Variants in SLC2A14 observed in about 807,000 individuals in gnomAD.
The protein encoded by SLC2A14 is solute carrier family 2, facilitated glucose transporter member 14.
SLC2A14 carries 13 observed loss-of-function variants against 43.0 expected under a neutral mutation model. That is an observed-to-expected ratio of 0.30 (90% CI 0.20 to 0.48). The LOEUF is 0.48. SLC2A14 is among the 20% of genes least tolerant of loss of function. SLC2A14 has a pLI of 0.99. For missense variants in SLC2A14, 428 were observed against 620.4 expected (o/e 0.69, Z 3.29); for synonymous variants, 190 against 233.8 (o/e 0.81, Z 1.71).
At chr12:7,883,792 C>G (rs962678245) in intron 1 of SLC2A14, among the ~76,000 whole-genome samples, 4 of 150,526 alleles carry the variant, frequency 2.7e-5, no homozygotes, top group Admixed American at 6.7e-5. Flanking sequence ...ACCATGTTGG[C>G]CAAGATGGTC....
chr12:7,855,396 C>A (rs927198654), intron 2 of SLC2A14, among the ~76,000 whole-genome samples: 1 of 152,122 alleles, frequency 6.6e-6, no homozygotes, highest in African/African-American at 2.4e-5. Context: ...CTGCCTCAGC[C>A]TCCAAAAGTG....
rs756528387 is a variant in SLC2A14, at chr12:7,862,422, C to T, written c.18+7441G>A. Among the ~76,000 whole-genome samples the T allele has an allele frequency of 1.2e-4, 19 of 152,242 alleles. No individual in the cohort carries two copies. In the East Asian group the frequency reaches 3.7e-3, roughly 29 times the overall value. On this transcript the variant is annotated intron_variant, in intron 2 of 10. Coordinates refer to ENST00000431042, the MANE Select transcript of SLC2A14 (RefSeq NM_001286234.2). ...TCGCCGGGCCTTAGCTGCCTTCCCA[C>T]GGGGCAGGGCTCGGGACCTGCAGCC...
At chr12:7,828,573 T>C in intron 6 of SLC2A14, 131 bp downstream of exon 6, 12 of 986,394 alleles carry the variant, frequency 1.2e-5, no homozygotes, top group Non-Finnish European at 1.6e-5. Context: ...CAAAGTAGAG[T>C]AATCAGAACC....
chr12:7,827,778 G>A, intron 6 of SLC2A14, 96 bp from the exon 7 acceptor site: 1 of 1,518,532 alleles, frequency 6.6e-7, no homozygotes, highest in African/African-American at 1.4e-5. Context: ...CACGAGGTGA[G>A]GTGATGGGTA....
chr12:7,850,563 T>C (rs1244321442), intron 2 of SLC2A14, among the ~76,000 whole-genome samples: 1 of 151,978 alleles, frequency 6.6e-6, no homozygotes, highest in East Asian at 1.9e-4. Flanking sequence ...ACCCGGCTAA[T>C]GTTTGTATTT....
At chr12:7,876,303 A>AAAAAAAAAAAAAAAAAAAAG (rs1555149216), upstream of SLC2A14, among the ~76,000 whole-genome samples, 1 of 133,660 alleles carries the variant, frequency 7.5e-6, no homozygotes, top group African/African-American at 2.8e-5. Flanking sequence ...AAAAAAAAAA[A>AAAAAAAAAAAAAAAAAAAAG]AGAGAGACAA....
intron 1 of SLC2A14, among the ~76,000 whole-genome samples, chr12:7,883,838 C>T (rs1343098482): frequency 6.6e-6 from 1 of 151,934 alleles, no homozygotes; most frequent in Non-Finnish European, 1.5e-5. Flanking sequence ...CTGCCTTGGC[C>T]TCCCAAACTG....
At chr12:7,870,859 G>T in intron 1 of SLC2A14, 1 of 1,285,158 alleles carries the variant, frequency 7.8e-7, no homozygotes. Context: ...AAAATGTTCA[G>T]CAAGTGGACC....
At chr12:7,840,366 GTTTTGT>G (rs567400675) in intron 2 of SLC2A14, among the ~76,000 whole-genome samples, 88 of 151,832 alleles carry the variant, frequency 5.8e-4, no homozygotes, top group African/African-American at 1.8e-3. Context: ...AGATTACTCA[GTTTTGT>G]TTTTGTTTTT....
exon 1 of SLC2A14, chr12:7,891,026 C>A: frequency 6.5e-7 from 1 of 1,535,172 alleles, no homozygotes; most frequent in Non-Finnish European, 8.7e-7. Flanking sequence ...TCTGACTCTT[C>A]TCCAGAGTGG....
At chr12:7,878,976 C>CA (rs58838986) in intron 1 of SLC2A14, among the ~76,000 whole-genome samples, 12,318 of 68,646 alleles carry the variant, frequency 0.18, 3,306 homozygotes, top group Non-Finnish European at 0.25. Context: ...GAGTCCGTCT[C>CA]AAAAAAAAAA....
At chr12:7,819,015 C>T (rs7967548) in intron 9 of SLC2A14, among the ~76,000 whole-genome samples, 2 of 151,964 alleles carry the variant, frequency 1.3e-5, no homozygotes, top group Non-Finnish European at 1.5e-5. Flanking sequence ...GTTGGGAGTT[C>T]GAGACCAGTC....
chr12:7,864,931 A>T (rs1485531682), intron 2 of SLC2A14, among the ~76,000 whole-genome samples: 1 of 152,044 alleles, frequency 6.6e-6, no homozygotes, highest in Non-Finnish European at 1.5e-5. Flanking sequence ...TTCTGCTCAA[A>T]TTTACCGTAA....
At chr12:7,867,288 AAAAAAAAAAAAAC>A (rs1255647123) in intron 2 of SLC2A14, among the ~76,000 whole-genome samples, 7 of 120,534 alleles carry the variant, frequency 5.8e-5, no homozygotes, top group Admixed American at 8.3e-5. Flanking sequence ...CTCAAAAAAA[AAAAAAAAAAAAAC>A]AAAAAAAACA....
intron 2 of SLC2A14, among the ~76,000 whole-genome samples, chr12:7,849,468 C>T (rs1050969765): frequency 9.9e-5 from 15 of 151,998 alleles, no homozygotes; most frequent in Non-Finnish European, 1.6e-4. Context: ...CATGCCACTA[C>T]ACTCTAGCCT....
At chr12:7,827,077 T>TTCTTTCTTTCTTTCTCTCTCTC (rs1565509415) in intron 7 of SLC2A14, among the ~76,000 whole-genome samples, 37 of 43,094 alleles carry the variant, frequency 8.6e-4, no homozygotes, top group Non-Finnish European at 2.1e-3. Flanking sequence ...CTCTCTCTCT[T>TTCTTTCTTTCTTTCTCTCTCTC]TCTTTCTTTC....
At chr12:7,866,424 G>A (rs1372102432) in intron 2 of SLC2A14, among the ~76,000 whole-genome samples, 7 of 151,930 alleles carry the variant, frequency 4.6e-5, no homozygotes, top group Admixed American at 4.6e-4. Context: ...GAGTGCAGTG[G>A]CATGATCTCA....
chr12:7,830,576 T>C (rs780518738), intron 4 of SLC2A14, among the ~76,000 whole-genome samples: 4 of 152,066 alleles, frequency 2.6e-5, no homozygotes, highest in Admixed American at 6.6e-5. Context: ...GTCGAGGCTA[T>C]AGTGAGCTAT....
intron 1 of SLC2A14, among the ~76,000 whole-genome samples, chr12:7,880,578 C>T (rs1945549902): frequency 6.6e-6 from 1 of 150,842 alleles, no homozygotes; most frequent in Non-Finnish European, 1.5e-5. Flanking sequence ...CCTGTAATCT[C>T]AGCACTTTAG....
Sources: allele counts gnomAD v4.1 joint callset (sites outside exome capture counted in the v4.1 genomes callset), GRCh38; gene constraint gnomAD v4.1.1; transcripts MANE v1.5; gene names NCBI Gene and HGNC (gene_info 2026-07-23, HGNC 2026-07-21).